CNTN5: variants seen among roughly 807,000 people sequenced by gnomAD.
The protein encoded by CNTN5 is contactin 5, also known as contactin-5.
In CNTN5, 77 loss-of-function variants were observed where a neutral mutation model predicts 129.1. The ratio of observed to expected loss-of-function variants is 0.60; its 90% CI spans 0.50 to 0.72. The LOEUF (loss-of-function observed/expected upper bound fraction) is 0.72. Among genes scored for constraint, CNTN5 ranks in the 30% least tolerant of loss-of-function variants. The pLI, the probability that CNTN5 is intolerant of heterozygous loss-of-function variation, is 0.00. For missense variants in CNTN5, 1,478 were observed against 1,328.8 expected (o/e 1.11, Z -1.75); for synonymous variants, 509 against 465.6 (o/e 1.09, Z -1.20).
At chr11:99,112,736 C>T (rs958477153) in intron 1 of CNTN5, among the ~76,000 whole-genome samples, 16 of 151,960 alleles carry the variant, frequency 1.1e-4, no homozygotes, top group Non-Finnish European at 1.8e-4. Context: ...GCACTGAATG[C>T]TGGCTTATTC....
chr11:99,784,594 T>C (rs1220670742), intron 3 of CNTN5, among the ~76,000 whole-genome samples: 1 of 152,080 alleles, frequency 6.6e-6, no homozygotes, highest in Non-Finnish European at 1.5e-5. Flanking sequence ...TACCCAGTCA[T>C]AGGATTGCTG....
chr11:99,427,758 T>A (rs1372790105), intron 2 of CNTN5, among the ~76,000 whole-genome samples: 1 of 90,086 alleles, frequency 1.1e-5, no homozygotes, highest in Non-Finnish European at 1.9e-5. Flanking sequence ...ACAGCAAGAC[T>A]CAGTCTCAAA....
At chr11:99,259,694 T>C (rs1862540659) in intron 1 of CNTN5, among the ~76,000 whole-genome samples, 1 of 151,744 alleles carries the variant, frequency 6.6e-6, no homozygotes, top group African/African-American at 2.4e-5. Flanking sequence ...TATGTGCCTG[T>C]GGAAATTGAA....
intron 21 of CNTN5, chr11:100,309,548 T>C: frequency 2.0e-6 from 2 of 978,196 alleles, no homozygotes; most frequent in Non-Finnish European, 2.4e-6. Flanking sequence ...GATAATTTAG[T>C]ATCTCATTAT....
chr11:99,872,865 T>G (rs894773651), intron 6 of CNTN5, among the ~76,000 whole-genome samples: 2 of 152,100 alleles, frequency 1.3e-5, no homozygotes, highest in Admixed American at 1.3e-4. Flanking sequence ...TGTTACATAT[T>G]TGAGATTATA....
intron 3 of CNTN5, among the ~76,000 whole-genome samples, chr11:99,579,100 T>A (rs1313304972): frequency 6.6e-6 from 1 of 151,878 alleles, no homozygotes; most frequent in African/African-American, 2.4e-5. Context: ...CCTTTCCCCA[T>A]TGCTTGTTTT....
At chr11:99,650,798 C>A (rs553200275) in intron 3 of CNTN5, among the ~76,000 whole-genome samples, 2 of 151,954 alleles carry the variant, frequency 1.3e-5, no homozygotes, top group African/African-American at 4.8e-5. Context: ...AAATTGTACA[C>A]ATTTATGGGG....
At chr11:100,253,188 A>T in intron 16 of CNTN5, among the ~76,000 whole-genome samples, 1 of 152,138 alleles carries the variant, frequency 6.6e-6, no homozygotes, top group East Asian at 1.9e-4. Flanking sequence ...TCAGTTGAAG[A>T]TACTTTCTAA....
intron 2 of CNTN5, among the ~76,000 whole-genome samples, chr11:99,460,752 G>A (rs1011639523): frequency 4.6e-5 from 7 of 151,908 alleles, no homozygotes; most frequent in Admixed American, 3.9e-4. Context: ...CTGAAAGAGG[G>A]AAAAGTCGAA....
intron 6 of CNTN5, among the ~76,000 whole-genome samples, chr11:99,888,856 A>G (rs933062591): frequency 2.6e-5 from 4 of 152,224 alleles, no homozygotes; most frequent in African/African-American, 9.6e-5. Context: ...TTACTGCGTG[A>G]CGCAGGGCAA....
At chr11:99,782,700 C>A (rs1431371998) in intron 3 of CNTN5, among the ~76,000 whole-genome samples, 1 of 151,994 alleles carries the variant, frequency 6.6e-6, no homozygotes, top group Non-Finnish European at 1.5e-5. Flanking sequence ...TGATCTTTGA[C>A]AAACCTGAGA....
chr11:100,150,814 C>T (rs1211231845), intron 13 of CNTN5, among the ~76,000 whole-genome samples: 1 of 151,988 alleles, frequency 6.6e-6, no homozygotes, highest in Non-Finnish European at 1.5e-5. Context: ...TTTGTGTCTC[C>T]GAAAAATTCA....
At chr11:99,646,015 T>C (rs1458558014) in intron 3 of CNTN5, among the ~76,000 whole-genome samples, 5 of 152,196 alleles carry the variant, frequency 3.3e-5, no homozygotes, top group African/African-American at 1.2e-4. Flanking sequence ...GGTTAAGCAA[T>C]AGCAGAGCAA....
chr11:99,845,111 A>G lies in CNTN5; in HGVS notation c.426A>G (p.Ile142Met), dbSNP rs201919102. ...GATGGCTTCGAAATGGAACAGAAAT[A>G]GATCTGGAAAGTGATTATCGCTACA... ...SYRWLRNGTEIDLESDYRYSL... is the reference protein window; with the variant it reads ...SYRWLRNGTEMDLESDYRYSL... Residue 142 changes from isoleucine (I) to methionine (M), a missense_variant, in exon 6 of 25, where the codon ATA becomes ATG. Coordinates refer to ENST00000524871, the MANE Select transcript of CNTN5 (RefSeq NM_014361.4). 1.6e-5 allele frequency: 26 copies of G among 1,613,552 alleles called. No homozygotes were observed. Among genetic ancestry groups the G allele is most frequent in the Non-Finnish European group, 2.2e-5 (26 of 1,179,798 alleles).
intron 16 of CNTN5, among the ~76,000 whole-genome samples, chr11:100,252,543 T>C (rs1316242744): frequency 6.6e-6 from 1 of 152,198 alleles, no homozygotes; most frequent in East Asian, 1.9e-4. Context: ...TTTTATTGTT[T>C]CTGGTCTTAT....
chr11:99,287,829 TAGAA>T (rs148025364), intron 1 of CNTN5, among the ~76,000 whole-genome samples: 1,959 of 151,796 alleles, frequency 0.013, 31 homozygotes, highest in African/African-American at 0.044. Flanking sequence ...AATTATAAGT[TAGAA>T]GGAGGAGGAA....
At chr11:99,246,661 A>G (rs1465051889) in intron 1 of CNTN5, among the ~76,000 whole-genome samples, 2 of 152,190 alleles carry the variant, frequency 1.3e-5, no homozygotes, top group African/African-American at 4.8e-5. Flanking sequence ...ATTTCAAAAT[A>G]TCTTTATGAA....
At chr11:99,665,348 G>A (rs773145701) in intron 3 of CNTN5, among the ~76,000 whole-genome samples, 17 of 152,110 alleles carry the variant, frequency 1.1e-4, no homozygotes, top group East Asian at 1.9e-4. Context: ...AGTAGTAATC[G>A]TGGAGGAGGA....
chr11:99,510,635 G>T lies in CNTN5; in HGVS notation c.-70-45510G>T, dbSNP rs1318219508. 2.0e-5 allele frequency among the ~76,000 whole-genome samples: 3 copies of T among 152,158 alleles called. No homozygotes were observed. In the East Asian group the frequency reaches 5.8e-4, roughly 29 times the overall value. On this transcript the variant is annotated intron_variant, in intron 2 of 24. Transcript: ENST00000524871. ...TATATGAGGGTGCTTCAATAGTGGAGCTGAAAAATTCCTATCATTTAGTGA... is the reference window on the plus strand; with the variant it reads ...TATATGAGGGTGCTTCAATAGTGGATCTGAAAAATTCCTATCATTTAGTGA...
Sources: gnomAD v4.1 joint callset for allele counts (sites outside exome capture counted in the v4.1 genomes callset) on GRCh38, gnomAD v4.1.1 for gene constraint, MANE v1.5 for transcripts, NCBI Gene and HGNC (gene_info 2026-07-23, HGNC 2026-07-21) for gene names.